Variants in OSBPL9 observed in about 807,000 individuals in gnomAD.
OSBPL9 encodes the protein oxysterol-binding protein-related protein 9.
OSBPL9 carries 40 observed loss-of-function variants against 106.6 expected under a neutral mutation model. The ratio of observed to expected loss-of-function variants is 0.38; its 90% CI spans 0.29 to 0.49. The LOEUF (loss-of-function observed/expected upper bound fraction) is 0.49. Ranked by LOEUF, OSBPL9 falls within the 20% of genes least tolerant of loss-of-function variation. The pLI is 0.97. For synonymous variants in OSBPL9, 269 were observed against 295.4 expected, an observed-to-expected ratio of 0.91 and a Z score of 0.92; for missense variants, 609 against 887.2, an observed-to-expected ratio of 0.69 and a Z score of 3.98.
Position 51,765,874 on chromosome 1 carries a change from C to T in OSBPL9, c.831C>T (p.Asn277=). 6.2e-7 allele frequency: 1 copy of T among 1,614,072 alleles called. No homozygotes were observed. The highest frequency in any genetic ancestry group is 8.5e-7 in the Non-Finnish European group (1 of 1,179,980). The change falls in exon 12 of 24, where the codon AAC becomes AAT. Residue 277 remains asparagine, a synonymous_variant. Coordinates refer to ENST00000428468, the MANE Select transcript of OSBPL9 (RefSeq NM_024586.6). ...GTCTCACTTCTCCAAGCCACGTGAA[C>T]TTGTCTCCAAATACAGTCCCAGAGT... ...SSSLTSPSHV[N]LSPNTVPEFS...
At chr1:51,711,867 G>C (rs1201988347) in intron 3 of OSBPL9, among the ~76,000 whole-genome samples, 1 of 151,858 alleles carries the variant, frequency 6.6e-6, no homozygotes, top group Non-Finnish European at 1.5e-5. Flanking sequence ...TGGCCGGGAA[G>C]AGGCGCTCCT....
At chr1:51,685,392 G>A (rs1419697491) in intron 3 of OSBPL9, among the ~76,000 whole-genome samples, 1 of 151,856 alleles carries the variant, frequency 6.6e-6, no homozygotes, top group Non-Finnish European at 1.5e-5. Flanking sequence ...CCAAGAAAAT[G>A]CTTACTTCTA....
rs188022460 is a variant in OSBPL9, at chr1:51,578,045, T to G, written c.-423+789T>G. Among the ~76,000 whole-genome samples the G allele has an allele frequency of 5.7e-4, 87 of 152,294 alleles. 1 individual carries two copies. The highest frequency in any genetic ancestry group is 1.9e-3 in the African/African-American group (79 of 41,572). ...TGTATAATTTGAGTAATGTCTGTCT[T>G]CCCTACCAGACTAGTAAAATCTATA... On this transcript the variant is annotated intron_variant, in intron 1 of 25. Transcript: ENST00000371714.
chr1:51,711,466 A>AC (rs1214066717), intron 3 of OSBPL9, among the ~76,000 whole-genome samples: 5 of 2,932 alleles, frequency 1.7e-3, no homozygotes, highest in South Asian at 0.012. Flanking sequence ...CGGGGGGCTG[A>AC]CCCCCCCACC....
chr1:51,694,808 G>T (rs1002201293), intron 3 of OSBPL9, among the ~76,000 whole-genome samples: 2 of 152,150 alleles, frequency 1.3e-5, no homozygotes, highest in Non-Finnish European at 2.9e-5. Flanking sequence ...TGTCAAGGTC[G>T]TGGTGGCTGG....
At chr1:51,568,078 C>A in the OSBPL9 span, among the ~76,000 whole-genome samples, 2 of 152,210 alleles carry the variant, frequency 1.3e-5, no homozygotes, top group African/African-American at 4.8e-5. Flanking sequence ...GGGCTAGCAA[C>A]AATGGGGTTC....
At chr1:51,560,652 T>C in the OSBPL9 span, among the ~76,000 whole-genome samples, 1 of 152,214 alleles carries the variant, frequency 6.6e-6, no homozygotes, top group African/African-American at 2.4e-5. Flanking sequence ...CCTCCCCATC[T>C]TTCTTAATAA....
chr1:51,656,832 A>T (rs960897796), intron 2 of OSBPL9, among the ~76,000 whole-genome samples: 16 of 145,312 alleles, frequency 1.1e-4, no homozygotes, highest in African/African-American at 2.0e-4. Flanking sequence ...GCTAATTAAA[A>T]TTTTTTTTTT....
intron 1 of OSBPL9, among the ~76,000 whole-genome samples, chr1:51,594,146 C>T (rs1645288744): frequency 6.6e-6 from 1 of 152,178 alleles, no homozygotes; most frequent in Admixed American, 6.5e-5. Context: ...CCTGTAACCC[C>T]AGCACTTTGG....
chr1:51,660,008 G>A (rs1159598991), intron 2 of OSBPL9, among the ~76,000 whole-genome samples: 8 of 151,840 alleles, frequency 5.3e-5, no homozygotes, highest in African/African-American at 1.9e-4. Context: ...GGAAGAGAAA[G>A]CTGAAAAACA....
At chr1:51,580,956 C>G (rs1385957818) in intron 1 of OSBPL9, among the ~76,000 whole-genome samples, 4 of 34,844 alleles carry the variant, frequency 1.1e-4, no homozygotes, top group East Asian at 8.8e-4. Context: ...ATATATATAA[C>G]TTTTTTGAAA....
chr1:51,623,381 T>A (rs781561889), intron 1 of OSBPL9, among the ~76,000 whole-genome samples: 3 of 151,822 alleles, frequency 2.0e-5, no homozygotes, highest in Non-Finnish European at 4.4e-5. Flanking sequence ...ACGCAAGGAG[T>A]ATAGTAAAGA....
At chr1:51,756,192 G>T (rs1470607797) in intron 8 of OSBPL9, 128 bp from the exon 9 acceptor site, 1 of 737,698 alleles carries the variant, frequency 1.4e-6, no homozygotes, top group East Asian at 2.8e-5. Flanking sequence ...TAAAATCTTA[G>T]TGGAGGCAGA....
intron 1 of OSBPL9, among the ~76,000 whole-genome samples, chr1:51,626,269 G>A (rs796113007): frequency 2.6e-5 from 4 of 152,072 alleles, no homozygotes; most frequent in African/African-American, 9.6e-5. Context: ...CTTTATACTT[G>A]CTTTTACCTT....
At chr1:51,759,101 T>G (rs1239461725) in intron 9 of OSBPL9, among the ~76,000 whole-genome samples, 1 of 151,580 alleles carries the variant, frequency 6.6e-6, no homozygotes, top group Admixed American at 6.6e-5. Context: ...CCCACTTCAG[T>G]TTCTTAGTTG....
intron 1 of OSBPL9, among the ~76,000 whole-genome samples, chr1:51,639,291 G>A (rs1645631678): frequency 6.6e-6 from 1 of 152,124 alleles, no homozygotes; most frequent in Non-Finnish European, 1.5e-5. Flanking sequence ...TTTTCCTCCT[G>A]TGTGCCAGTA....
chr1:51,525,245 C>T, the OSBPL9 span, among the ~76,000 whole-genome samples: 1 of 152,198 alleles, frequency 6.6e-6, no homozygotes. Flanking sequence ...AGTCTAGTTT[C>T]CCTTTTTGTA....
chr1:51,740,124 T>G, intron 4 of OSBPL9: 1 of 1,549,462 alleles, frequency 6.5e-7, no homozygotes, highest in Non-Finnish European at 8.7e-7. Flanking sequence ...ATTCTCTCTT[T>G]TCCTTACTTT....
chr1:51,777,634 A>AT (rs34186845), intron 15 of OSBPL9, among the ~76,000 whole-genome samples: 22,956 of 149,894 alleles, frequency 0.15, 2,013 homozygotes, highest in Middle Eastern at 0.29. Flanking sequence ...ATAAATATAT[A>AT]TTTTTTTTTT....
Sources: allele counts gnomAD v4.1 joint callset (sites outside exome capture counted in the v4.1 genomes callset), GRCh38; gene constraint gnomAD v4.1.1; transcripts MANE v1.5; gene names NCBI Gene and HGNC (gene_info 2026-07-23, HGNC 2026-07-21).